Variants in AGAP5 observed in about 807,000 individuals in gnomAD.
AGAP5 encodes the protein ArfGAP with GTPase domain, ankyrin repeat and PH domain 5, also known as arf-GAP with GTPase, ANK repeat and PH domain-containing protein 5.
Under a neutral mutation model 27.7 loss-of-function variants are expected in AGAP5, and 8 were observed. The observed-to-expected ratio is 0.29, with a 90% CI of 0.17 to 0.52. The LOEUF (loss-of-function observed/expected upper bound fraction) is 0.52. AGAP5 is among the 20% of genes least tolerant of loss of function. The probability of loss-of-function intolerance (pLI) is 0.97; values close to 1 mark genes in which losing one functional copy is unlikely to be tolerated. For missense variants in AGAP5, 285 were observed against 880.8 expected, an observed-to-expected ratio of 0.32 and a Z score of 8.56; for synonymous variants, 111 against 338.0, an observed-to-expected ratio of 0.33 and a Z score of 7.37.
At chr10:73,688,371 AG>A (rs1285605475) in intron 4 of AGAP5, among the ~76,000 whole-genome samples, 3 of 152,136 alleles carry the variant, frequency 2.0e-5, no homozygotes, top group African/African-American at 7.2e-5. Context: ...CCTCACACTG[AG>A]TGCTATCAGT....
At chr10:73,685,793 C>T (rs1455979259) in intron 4 of AGAP5, among the ~76,000 whole-genome samples, 5 of 152,014 alleles carry the variant, frequency 3.3e-5, no homozygotes, top group East Asian at 1.9e-4. Flanking sequence ...CCTCATGATC[C>T]GTCCGCCTTA....
intron 6 of AGAP5, among the ~76,000 whole-genome samples, chr10:73,677,623 C>T (rs3878021): frequency 5.9e-5 from 9 of 151,818 alleles, no homozygotes; most frequent in East Asian, 5.8e-4. Context: ...TAACCTCAGG[C>T]GATCCACTTG....
chr10:73,694,153 AG>A (rs1446129751), intron 3 of AGAP5, among the ~76,000 whole-genome samples: 11 of 152,228 alleles, frequency 7.2e-5, no homozygotes, highest in Non-Finnish European at 1.3e-4. Context: ...CATAACATTA[AG>A]GGAAATAAGC....
At chr10:73,680,600 G>T (rs2082017620) in intron 5 of AGAP5, among the ~76,000 whole-genome samples, 1 of 135,642 alleles carries the variant, frequency 7.4e-6, no homozygotes, top group Non-Finnish European at 1.6e-5. Context: ...TTTGGGGGGG[G>T]TGGGTGGGTG....
chr10:73,676,813 CTT>C (rs2081983964), intron 6 of AGAP5, 43 bp from the exon 7 acceptor site: 1 of 952,166 alleles, frequency 1.1e-6, no homozygotes, highest in Admixed American at 1.9e-5. Context: ...CTGTTAATAT[CTT>C]AGTATAATAT....
At chr10:73,676,976 A>C (rs1224873103) in intron 6 of AGAP5, among the ~76,000 whole-genome samples, 1 of 152,136 alleles carries the variant, frequency 6.6e-6, no homozygotes, top group East Asian at 1.9e-4. Context: ...AGCCTTTTAT[A>C]TGATAACCAG....
Position 73,697,567 on chromosome 10 carries a change from G to T in AGAP5, c.189C>A (p.His63Gln). The T allele has an allele frequency of 1.2e-6, 2 of 1,612,950 alleles. No homozygotes were observed. Among genetic ancestry groups the T allele is most frequent in the Non-Finnish European group, 1.7e-6 (2 of 1,179,960 alleles). The change falls in exon 1 of 8, where the codon CAC (histidine) becomes CAA (glutamine). Residue 63 changes from histidine to glutamine, a missense_variant. By Grantham distance (24) the His-to-Gln change is conservative. Transcript: ENST00000374094. ...EVTVEVGEDL[H>Q]MHHIRDQEMP... The stretch of plus-strand genomic sequence containing the variant: ...TCTCCTGGTCACGAATGTGGTGCAT[G>T]TGGAGGTCCTCACCAACTTCAACGG...
chr10:73,677,574 T>C (rs1268871391), intron 6 of AGAP5, among the ~76,000 whole-genome samples: 3 of 149,702 alleles, frequency 2.0e-5, no homozygotes, highest in African/African-American at 4.9e-5. Flanking sequence ...TTAGTAGAGA[T>C]GTGGTTTCAC....
At chr10:73,690,121 T>G (rs1315068532) in intron 4 of AGAP5, among the ~76,000 whole-genome samples, 1 of 152,188 alleles carries the variant, frequency 6.6e-6, no homozygotes, top group Non-Finnish European at 1.5e-5. Flanking sequence ...CATCAGCTCA[T>G]TGAGAACGGG....
chr10:73,697,393 G>A (rs538189272), intron 1 of AGAP5, 140 bp downstream of exon 1: 441 of 1,568,684 alleles, frequency 2.8e-4, no homozygotes, highest in Non-Finnish European at 3.5e-4. Context: ...GGCAGAGCCA[G>A]CTTTTGTTCC....
rs775203627 is a variant in AGAP5 at position 73,675,454 on chromosome 10, G to A, written c.1206C>T (p.His402=). Residue 402 remains histidine, a synonymous_variant, in exon 8 of 8, where the codon CAC becomes CAT. Transcript: ENST00000374094. ...PPSPHANKKK[H]LKKKSTNNFM... ...AGTTGTTGGTGCTTTTCTTCTTTAG[G>A]TGTTTCTTTTTATTGGCATGAGGAG... The A allele has an allele frequency of 1.4e-5, 23 of 1,613,866 alleles. 1 individual carries two copies. The African/African-American group carries it at 1.7e-4, about 12-fold the overall frequency.
intron 4 of AGAP5, among the ~76,000 whole-genome samples, chr10:73,691,418 A>T (rs189035212): frequency 6.6e-6 from 1 of 152,158 alleles, no homozygotes; most frequent in African/African-American, 2.4e-5. Context: ...GAAAGTCAAT[A>T]GACAGTGCTG....
intron 2 of AGAP5, among the ~76,000 whole-genome samples, chr10:73,696,713 C>T (rs1338634675): frequency 6.6e-6 from 1 of 152,228 alleles, no homozygotes; most frequent in African/African-American, 2.4e-5. Context: ...ATTTTAAGCA[C>T]TCTTTTTTCT....
chr10:73,688,906 C>G (rs981602455), intron 4 of AGAP5, among the ~76,000 whole-genome samples: 1 of 152,200 alleles, frequency 6.6e-6, no homozygotes. Context: ...AAGAACAACA[C>G]TGTAATAAGA....
Position 73,676,136 on chromosome 10 carries a change from G to C in AGAP5, c.586-62C>G, listed in dbSNP as rs1383055903. 5.6e-6 allele frequency: 9 copies of C among 1,610,108 alleles called. No individual in the cohort carries two copies. The East Asian group carries it at 2.0e-4, about 36-fold the overall frequency. Reference sequence around the variant, plus strand: ...GGGTAGTGGCTTGCAGGGTCCTATAGACAGCTTACAATTACCTTTTAAAAA... The same window carrying C: ...GGGTAGTGGCTTGCAGGGTCCTATACACAGCTTACAATTACCTTTTAAAAA... On this transcript the variant is annotated intron_variant, in intron 7 of 7. Coordinates refer to ENST00000374094, the MANE Select transcript of AGAP5 (RefSeq NM_001144000.4).
chr10:73,689,165 TTTTGGTGGAGACG>T (rs1565007274), intron 4 of AGAP5, among the ~76,000 whole-genome samples: 1 of 152,260 alleles, frequency 6.6e-6, no homozygotes, highest in African/African-American at 2.4e-5. Flanking sequence ...GTTCGTATTT[TTTTGGTGGAGACG>T]GGGTTTCGCT....
intron 4 of AGAP5, among the ~76,000 whole-genome samples, chr10:73,691,516 G>T (rs1362118396): frequency 6.9e-6 from 1 of 145,788 alleles, no homozygotes; most frequent in Non-Finnish European, 1.5e-5. Context: ...TTTTTGAGAC[G>T]GAGTTTCGCT....
chr10:73,677,832 T>C (rs2081992653), intron 6 of AGAP5, among the ~76,000 whole-genome samples: 1 of 152,188 alleles, frequency 6.6e-6, no homozygotes, highest in Non-Finnish European at 1.5e-5. Flanking sequence ...ATGGCTGGTT[T>C]CTCAGCATAA....
At chr10:73,681,375 A>G (rs1185487398) in intron 5 of AGAP5, 2 of 985,346 alleles carry the variant, frequency 2.0e-6, no homozygotes, top group Non-Finnish European at 2.4e-6. Context: ...ATGGGAAGAT[A>G]CATGTATTTG....
Sources: allele counts gnomAD v4.1 joint callset (sites outside exome capture counted in the v4.1 genomes callset), GRCh38; gene constraint gnomAD v4.1.1; transcripts MANE v1.5; gene names NCBI Gene and HGNC (gene_info 2026-07-23, HGNC 2026-07-21).